Variants in PRKAR2A observed in about 807,000 individuals in gnomAD.
PRKAR2A encodes protein kinase cAMP-dependent type II regulatory subunit alpha, also known as cAMP-dependent protein kinase type II-alpha regulatory subunit.
In PRKAR2A, 29 loss-of-function variants were observed where a neutral mutation model predicts 51.9. That is an observed-to-expected ratio of 0.56 (90% CI 0.42 to 0.76). The LOEUF (loss-of-function observed/expected upper bound fraction) is 0.76. Ranked by LOEUF, PRKAR2A falls within the 30% of genes least tolerant of loss-of-function variation. The probability of loss-of-function intolerance (pLI) is 0.00; values close to 1 mark genes in which losing one functional copy is unlikely to be tolerated. For missense variants in PRKAR2A, 445 were observed against 512.1 expected, an observed-to-expected ratio of 0.87 and a Z score of 1.26; for synonymous variants, 178 against 186.2, an observed-to-expected ratio of 0.96 and a Z score of 0.36.
intron 1 of PRKAR2A, among the ~76,000 whole-genome samples, chr3:48,839,760 T>C (rs1463970614): frequency 6.6e-6 from 1 of 152,216 alleles, no homozygotes; most frequent in African/African-American, 2.4e-5. Flanking sequence ...TGTTCTTTTT[T>C]TTATTGGCTC....
intron 3 of PRKAR2A, among the ~76,000 whole-genome samples, chr3:48,792,993 T>C (rs970009010): frequency 6.6e-6 from 1 of 151,842 alleles, no homozygotes; most frequent in Non-Finnish European, 1.5e-5. Flanking sequence ...CACTAAGTTT[T>C]TTTTTTTTTT....
intron 5 of PRKAR2A, among the ~76,000 whole-genome samples, chr3:48,774,556 T>G (rs1304460757): frequency 6.6e-6 from 1 of 152,196 alleles, no homozygotes; most frequent in Non-Finnish European, 1.5e-5. Flanking sequence ...TGTGTGTTTG[T>G]ACCCATTAGC....
chr3:48,828,699 CCCTGTCT>C (rs761101330), intron 1 of PRKAR2A, among the ~76,000 whole-genome samples: 13 of 134,090 alleles, frequency 9.7e-5, no homozygotes, highest in Non-Finnish European at 1.6e-4. Context: ...CAGAGCGAGC[CCCTGTCT>C]CCAAAAAAAA....
In PRKAR2A at chr3:48,749,242, T is replaced by C. The variant is rs770225188; in HGVS notation, c.*2343A>G. The C allele has an allele frequency of 9.9e-5, 15 of 152,202 alleles. No individual in the cohort carries two copies. Among genetic ancestry groups the C allele is most frequent in the Non-Finnish European group, 2.1e-4 (14 of 68,042 alleles). 9.4% of individuals were successfully genotyped at this position (152,202 alleles called of 1,614,324 possible). A position where few individuals can be genotyped will look rare whatever the true frequency, so the allele number is the denominator to read the frequency against. ...CTTTACGGAAATTTCACACTGCTCC[T>C]AGGAGCCCTTATAGCATCTGATTCT... On this transcript the variant is annotated 3_prime_UTR_variant, in exon 11 of 11. Coordinates refer to ENST00000265563, the MANE Select transcript of PRKAR2A (RefSeq NM_004157.4).
Position 48,748,898 on chromosome 3 carries a change from T to C in PRKAR2A, c.*2687A>G, listed in dbSNP as rs2081603161. ...CTGCCTGTTTTGGAAAGCTGCAATG[T>C]AGGCTACAGAGGGCAGTCTGAAAAG... On this transcript the variant is annotated 3_prime_UTR_variant, in exon 11 of 11. Transcript: ENST00000265563. 1 of 152,262 alleles carries C rather than the reference T, an allele frequency of 6.6e-6. No homozygotes were observed. Among genetic ancestry groups the C allele is most frequent in the Non-Finnish European group, 1.5e-5 (1 of 68,046 alleles). 9.4% of individuals were successfully genotyped at this position (152,262 alleles called of 1,614,324 possible).
At chr3:48,841,412 G>C (rs528057318) in intron 1 of PRKAR2A, among the ~76,000 whole-genome samples, 31 of 151,608 alleles carry the variant, frequency 2.0e-4, no homozygotes, top group African/African-American at 5.8e-4. Flanking sequence ...AAGTGTGGTG[G>C]CGCATGCCTG....
chr3:48,843,202 G>T (rs2083407151), intron 1 of PRKAR2A, among the ~76,000 whole-genome samples: 1 of 152,138 alleles, frequency 6.6e-6, no homozygotes, highest in Non-Finnish European at 1.5e-5. Flanking sequence ...TTGCGTAGAG[G>T]TGTTTGTAGT....
At chr3:48,818,706 G>A (rs560790252) in intron 1 of PRKAR2A, among the ~76,000 whole-genome samples, 1 of 152,226 alleles carries the variant, frequency 6.6e-6, no homozygotes, top group South Asian at 2.1e-4. Context: ...TTACACCACT[G>A]CACTCCAACC....
chr3:48,813,852 G>A (rs940040531), intron 1 of PRKAR2A, among the ~76,000 whole-genome samples: 3 of 152,272 alleles, frequency 2.0e-5, no homozygotes, highest in African/African-American at 4.8e-5. Context: ...GCCAGGATGT[G>A]TTGGCTCACA....
Position 48,780,472 on chromosome 3 carries a change from G to A in PRKAR2A, c.542+2514C>T, listed in dbSNP as rs368688106. ...CAAAAAATTAGCCGGGCATGGTGAC[G>A]GGCGCCTGTAGTCCCAGCTACTCGG... On this transcript the variant is annotated intron_variant, in intron 5 of 10. Transcript: ENST00000265563. Among the ~76,000 whole-genome samples the A allele has an allele frequency of 1.4e-4, 21 of 150,746 alleles. No individual in the cohort carries two copies. In the East Asian group the frequency reaches 2.6e-3, roughly 19 times the overall value.
chr3:48,756,691 T>C (rs1357959866), intron 8 of PRKAR2A, among the ~76,000 whole-genome samples: 2 of 152,260 alleles, frequency 1.3e-5, no homozygotes, highest in South Asian at 2.1e-4. Flanking sequence ...CATGCAGATA[T>C]ACGCGAAGCA....
In PRKAR2A at chr3:48,765,330, C is replaced by T. The variant is rs759599282; in HGVS notation, c.716G>A (p.Arg239Lys). The T allele has an allele frequency of 6.8e-6, 11 of 1,610,160 alleles. No individual in the cohort carries two copies. The South Asian group carries it at 1.1e-4, about 16-fold the overall frequency. The change falls in exon 7 of 11, where the codon AGA (arginine) becomes AAA (lysine). Residue 239 changes from arginine (R) to lysine (K), a missense_variant. Arg to Lys is a conservative substitution (Grantham distance 26). Coordinates refer to ENST00000265563, the MANE Select transcript of PRKAR2A (RefSeq NM_004157.4). Reference protein sequence around the residue: ...LWGLDRVTFRRIIVKNNAKKR... With the variant: ...LWGLDRVTFRKIIVKNNAKKR... ...CTTTGCATTATTTTTCACTATGATT[C>T]TTCTAAAAGTCACCCGGTCCTACAA...
chr3:48,835,290 C>A (rs545081921), intron 1 of PRKAR2A, among the ~76,000 whole-genome samples: 1 of 151,068 alleles, frequency 6.6e-6, no homozygotes, highest in African/African-American at 2.4e-5. Context: ...ACTTTTGAAA[C>A]CAGGAGTTCG....
In PRKAR2A at chr3:48,847,834, G is replaced by T. The variant is rs979072265; in HGVS notation, c.-238C>A. 1.1e-5 allele frequency: 4 copies of T among 374,546 alleles called. No homozygotes were observed. The highest frequency in any genetic ancestry group is 6.9e-4 in the Middle Eastern group (1 of 1,446). 23.2% of individuals were successfully genotyped at this position (374,546 alleles called of 1,614,324 possible). A position where few individuals can be genotyped will look rare whatever the true frequency, so the allele number is the denominator to read the frequency against. On this transcript the variant is annotated 5_prime_UTR_variant, in exon 1 of 11. Coordinates refer to ENST00000265563, the MANE Select transcript of PRKAR2A (RefSeq NM_004157.4). This position sits in a 1 kb window ranked among gnomAD's most constrained non-coding sequence, Gnocchi z 4.4. ...AGCCGCCGCCGCCGCGGGGACCGAC[G>T]GGCAGGCGAGCTGGACGGGCGGGGC... is the stretch of plus-strand genomic sequence containing the variant.
intron 5 of PRKAR2A, among the ~76,000 whole-genome samples, chr3:48,780,558 G>A (rs372021497): frequency 1.4e-4 from 20 of 145,042 alleles, no homozygotes; most frequent in Non-Finnish European, 4.5e-5. Flanking sequence ...AGCCAAGATC[G>A]CGCCACTGCA....
intron 1 of PRKAR2A, among the ~76,000 whole-genome samples, chr3:48,835,122 C>T (rs540963704): frequency 2.0e-5 from 3 of 152,190 alleles, no homozygotes; most frequent in Admixed American, 6.5e-5. Flanking sequence ...CAGATGTACA[C>T]CACCACGCCT....
chr3:48,823,803 G>GA (rs929831807), intron 1 of PRKAR2A, among the ~76,000 whole-genome samples: 14 of 142,664 alleles, frequency 9.8e-5, no homozygotes, highest in Non-Finnish European at 1.8e-4. Context: ...AAAAAAAAAA[G>GA]AAAAAAAATC....
intron 1 of PRKAR2A, among the ~76,000 whole-genome samples, chr3:48,825,355 G>A (rs1364106815): frequency 1.3e-5 from 2 of 152,166 alleles, no homozygotes; most frequent in Non-Finnish European, 2.9e-5. Flanking sequence ...GCTCAGGCTG[G>A]AGTGCAGTGG....
In PRKAR2A at chr3:48,765,299, C is replaced by T. The variant is rs563868327; in HGVS notation, c.747G>A (p.Arg249=). Residue 249 remains arginine, a synonymous_variant, in exon 7 of 11, where the codon AGG becomes AGA. Transcript: ENST00000265563. ...RIIVKNNAKK[R]KMFESFIESV... ...ACTCAATAAATGATTCAAACATCTT[C>T]CTCTTCTTTGCATTATTTTTCACTA... The T allele has an allele frequency of 6.2e-6, 10 of 1,612,488 alleles. No homozygotes were observed. The highest frequency in any genetic ancestry group is 3.3e-5 in the South Asian group (3 of 90,644).
Sources: allele counts gnomAD v4.1 joint callset (sites outside exome capture counted in the v4.1 genomes callset), GRCh38; gene constraint gnomAD v4.1.1; non-coding constraint Gnocchi (gnomAD v3.1); transcripts MANE v1.5; gene names NCBI Gene and HGNC (gene_info 2026-07-23, HGNC 2026-07-21).